RBPMS: variants seen among roughly 807,000 people sequenced by gnomAD.
The protein encoded by RBPMS is RNA-binding protein with multiple splicing.
RBPMS carries 7 observed loss-of-function variants against 26.8 expected under a neutral mutation model. The observed-to-expected ratio is 0.26, with a 90% CI of 0.15 to 0.49. The LOEUF (loss-of-function observed/expected upper bound fraction) is 0.49, where lower values mean the gene tolerates loss of function less well. RBPMS is among the 20% of genes least tolerant of loss of function. The probability of loss-of-function intolerance (pLI) is 0.98; values close to 1 mark genes in which losing one functional copy is unlikely to be tolerated. For synonymous variants in RBPMS, 96 were observed against 93.3 expected, an observed-to-expected ratio of 1.03 and a Z score of -0.17; for missense variants, 186 against 250.0, an observed-to-expected ratio of 0.74 and a Z score of 1.73.
chr8:30,423,623 G>T (rs1325610965), intron 1 of RBPMS, among the ~76,000 whole-genome samples: 1 of 149,306 alleles, frequency 6.7e-6, no homozygotes, highest in Admixed American at 6.7e-5. Context: ...AATCTGCAGG[G>T]TGAATTGGTG....
intron 6 of RBPMS, chr8:30,556,678 C>G (rs1468318297): frequency 2.0e-5 from 20 of 985,854 alleles, no homozygotes; most frequent in Non-Finnish European, 2.4e-5. Flanking sequence ...CCCCACCTGC[C>G]ATGGGGGCTC....
intron 4 of RBPMS, among the ~76,000 whole-genome samples, chr8:30,496,345 T>A (rs1174003391): frequency 6.6e-6 from 1 of 152,152 alleles, no homozygotes; most frequent in Non-Finnish European, 1.5e-5. Flanking sequence ...ATTTTTTGTA[T>A]TTTTAGTAGA....
intron 5 of RBPMS, among the ~76,000 whole-genome samples, chr8:30,517,339 G>T (rs1350695835): frequency 6.6e-6 from 1 of 151,950 alleles, no homozygotes; most frequent in African/African-American, 2.4e-5. Context: ...TGTAATCTGT[G>T]CAAACTCAGG....
chr8:30,392,408 A>C (rs1379102201), intron 1 of RBPMS, among the ~76,000 whole-genome samples: 4 of 152,084 alleles, frequency 2.6e-5, no homozygotes, highest in Admixed American at 2.6e-4. Context: ...GGAGAGAAGA[A>C]GGGGAAGGAA....
chr8:30,502,874 A>G (rs1378042417), intron 4 of RBPMS, among the ~76,000 whole-genome samples: 1 of 152,226 alleles, frequency 6.6e-6, no homozygotes, highest in East Asian at 1.9e-4. Context: ...TTTAAAAAAC[A>G]AAAATACAAC....
At chr8:30,460,649 A>C (rs1015769143) in intron 1 of RBPMS, among the ~76,000 whole-genome samples, 1 of 152,226 alleles carries the variant, frequency 6.6e-6, no homozygotes, top group African/African-American at 2.4e-5. Flanking sequence ...AAGATTTCTT[A>C]TACTACCGTA....
chr8:30,409,073 T>G lies in RBPMS; in HGVS notation c.66+23915T>G, dbSNP rs1486454968. ...ACCGCCATTGTATGGATGTGCCATG[T>G]TTTGTTTGTCCATTCATCTGTTAAC... On this transcript the variant is annotated intron_variant, in intron 1 of 8. Coordinates refer to ENST00000397323, the MANE Select transcript of RBPMS (RefSeq NM_001008710.3). Among the ~76,000 whole-genome samples the G allele has an allele frequency of 2.0e-5, 3 of 152,234 alleles. No homozygotes were observed. In the East Asian group the frequency reaches 5.8e-4, roughly 29 times the overall value.
chr8:30,424,464 G>A (rs1472758319), intron 1 of RBPMS, among the ~76,000 whole-genome samples: 2 of 152,092 alleles, frequency 1.3e-5, no homozygotes, highest in African/African-American at 2.4e-5. Context: ...TAGAGCAGTC[G>A]GTCAATAAGC....
intron 1 of RBPMS, among the ~76,000 whole-genome samples, chr8:30,414,176 G>A (rs1809792510): frequency 6.9e-6 from 1 of 145,300 alleles, no homozygotes; most frequent in Non-Finnish European, 1.5e-5. Context: ...TGTCTATGCT[G>A]GCTCAGTGGC....
intron 5 of RBPMS, among the ~76,000 whole-genome samples, chr8:30,523,596 G>A (rs1392824593): frequency 6.7e-6 from 1 of 150,336 alleles, no homozygotes; most frequent in African/African-American, 2.5e-5. Flanking sequence ...TTTAGGGTGA[G>A]CACATGACAG....
chr8:30,430,869 C>T (rs979393279), intron 1 of RBPMS, among the ~76,000 whole-genome samples: 1 of 152,112 alleles, frequency 6.6e-6, no homozygotes, highest in African/African-American at 2.4e-5. Context: ...AAATGCCTAC[C>T]ATGTAGTAGG....
chr8:30,524,522 A>G (rs376001765), intron 5 of RBPMS, among the ~76,000 whole-genome samples: 13 of 152,162 alleles, frequency 8.5e-5, no homozygotes, highest in African/African-American at 2.9e-4. Flanking sequence ...CAGACATAAC[A>G]CCAATTTTCT....
chr8:30,555,783 C>T (rs1331462714), intron 6 of RBPMS: 4 of 617,382 alleles, frequency 6.5e-6, no homozygotes, highest in Non-Finnish European at 6.1e-6. Flanking sequence ...GTAAAGCAGC[C>T]CTTATGGGAT....
chr8:30,561,429 G>A (rs373271280), intron 7 of RBPMS, among the ~76,000 whole-genome samples: 1 of 152,200 alleles, frequency 6.6e-6, no homozygotes, highest in Non-Finnish European at 1.5e-5. Context: ...ATGACAGTGT[G>A]TTGAGCTCTC....
chr8:30,492,496 G>C (rs1390451694), intron 4 of RBPMS, among the ~76,000 whole-genome samples: 1 of 152,040 alleles, frequency 6.6e-6, no homozygotes, highest in African/African-American at 2.4e-5. Context: ...AAAGGATCTA[G>C]ATCGTCATCT....
chr8:30,457,415 A>G (rs1280422370), intron 1 of RBPMS, among the ~76,000 whole-genome samples: 1 of 152,190 alleles, frequency 6.6e-6, no homozygotes, highest in African/African-American at 2.4e-5. Flanking sequence ...CTGGAAATTC[A>G]GTATTAATAA....
chr8:30,542,142 T>TA (rs1204892489), intron 5 of RBPMS, among the ~76,000 whole-genome samples: 5 of 152,234 alleles, frequency 3.3e-5, no homozygotes. Flanking sequence ...TCTGCCTCAC[T>TA]AATACGTTAC....
intron 6 of RBPMS, among the ~76,000 whole-genome samples, chr8:30,555,435 T>A (rs1826778799): frequency 6.6e-6 from 1 of 152,248 alleles, no homozygotes. Context: ...GCGCGGTCTC[T>A]GACGCAGACT....
chr8:30,509,994 C>G (rs1217238738), intron 5 of RBPMS, among the ~76,000 whole-genome samples: 1 of 152,182 alleles, frequency 6.6e-6, no homozygotes, highest in Non-Finnish European at 1.5e-5. Context: ...GTATCTCTTT[C>G]TGCATTTTGA....
Sources: gnomAD v4.1 joint callset for allele counts (sites outside exome capture counted in the v4.1 genomes callset) on GRCh38, gnomAD v4.1.1 for gene constraint, MANE v1.5 for transcripts, NCBI Gene and HGNC (gene_info 2026-07-23, HGNC 2026-07-21) for gene names.